PPP1R13B: variants seen among roughly 807,000 people sequenced by gnomAD.
PPP1R13B encodes protein phosphatase 1 regulatory subunit 13B, also known as apoptosis-stimulating of p53 protein 1.
A neutral mutation model predicts 119.8 loss-of-function variants in PPP1R13B; 44 were observed. The ratio of observed to expected loss-of-function variants is 0.37; its 90% confidence interval spans 0.29 to 0.47. The LOEUF is 0.47. Ranked by LOEUF, PPP1R13B falls within the 20% of genes least tolerant of loss-of-function variation. PPP1R13B has a pLI of 0.99. For missense variants in PPP1R13B, 1,227 were observed against 1,413.5 expected (o/e 0.87, Z 2.12); for synonymous variants, 542 against 561.5 (o/e 0.97, Z 0.49).
In PPP1R13B at chr14:103,795,215, G is replaced by A. The variant is rs562851758; in HGVS notation, c.157+2156C>T. Among the ~76,000 whole-genome samples, 11 of 152,164 alleles carry A rather than the reference G, an allele frequency of 7.2e-5. No homozygotes were observed. In the South Asian group the frequency reaches 1.5e-3, roughly 20 times the overall value. On this transcript the variant is annotated intron_variant, in intron 2 of 16. Transcript: ENST00000202556. ...GGCCTCCTAAAGGGCTGGGATTAGAGGCAAGAGCCACCGTGCCCGACCTGT... is the reference window on the plus strand; with the variant it reads ...GGCCTCCTAAAGGGCTGGGATTAGAAGCAAGAGCCACCGTGCCCGACCTGT...
chr14:103,821,806 T>C (rs557750648), intron 1 of PPP1R13B, among the ~76,000 whole-genome samples: 1 of 151,844 alleles, frequency 6.6e-6, no homozygotes, highest in African/African-American at 2.4e-5. Flanking sequence ...GACCACAAAA[T>C]AGATCTATAA....
chr14:103,806,734 T>C (rs2086026391), intron 1 of PPP1R13B, among the ~76,000 whole-genome samples: 1 of 152,124 alleles, frequency 6.6e-6, no homozygotes, highest in African/African-American at 2.4e-5. Flanking sequence ...GTTGCTGTCA[T>C]CCACACAGAA....
At chr14:103,745,892 G>A (rs1029468829) in intron 9 of PPP1R13B, among the ~76,000 whole-genome samples, 6 of 152,204 alleles carry the variant, frequency 3.9e-5, no homozygotes, top group East Asian at 1.9e-4. Flanking sequence ...TGCAACCTCC[G>A]CCTCCCAGGT....
chr14:103,784,872 T>C lies in PPP1R13B; in HGVS notation c.200A>G (p.Gln67Arg). Residue 67 changes from glutamine to arginine, a missense_variant, in exon 3 of 17, where the codon CAG (glutamine) becomes CGG (arginine). Coordinates refer to ENST00000202556, the MANE Select transcript of PPP1R13B (RefSeq NM_015316.3). ...PFDHMMYEHLQKWGPRREEVK... is the reference protein window; with the variant it reads ...PFDHMMYEHLRKWGPRREEVK... ...TTCTTCCCTCCGTGGACCCCATTTC[T>C]GAAGATGTTCGTACATCATATGATC... The C allele has an allele frequency of 6.2e-7, 1 of 1,608,874 alleles. No individual in the cohort carries two copies. Among genetic ancestry groups the C allele is most frequent in the Non-Finnish European group, 8.5e-7 (1 of 1,176,122 alleles).
At chr14:103,754,761 A>G (rs2084634541) in intron 5 of PPP1R13B, among the ~76,000 whole-genome samples, 1 of 151,592 alleles carries the variant, frequency 6.6e-6, no homozygotes, top group South Asian at 2.1e-4. Flanking sequence ...GATTTTTAAG[A>G]GAGAGGGTTT....
In PPP1R13B at chr14:103,738,857, GC is replaced by G. The variant is rs764768931; in HGVS notation, c.2730+28del. 26 of 1,613,116 alleles carry G rather than the reference GC, an allele frequency of 1.6e-5. No individual in the cohort carries two copies. The highest frequency in any genetic ancestry group is 2.1e-5 in the Non-Finnish European group (25 of 1,179,322). On this transcript the variant is annotated intron_variant, in intron 13 of 16. Transcript: ENST00000202556. The surrounding 1 kb of genome is among the most constrained non-coding windows in gnomAD (Gnocchi z 5.6). ...AGCGCCCATCCCCTCGCCCCCAGCAGCGTGCACTGGTCCCCGGCTGCAGCTC... is the reference window on the plus strand; with the variant it reads ...AGCGCCCATCCCCTCGCCCCCAGCAGGTGCACTGGTCCCCGGCTGCAGCTC...
intron 1 of PPP1R13B, among the ~76,000 whole-genome samples, chr14:103,822,324 G>A (rs549131374): frequency 2.0e-5 from 3 of 152,110 alleles, no homozygotes; most frequent in Non-Finnish European, 2.9e-5. Flanking sequence ...TAGTAGACAC[G>A]GGGTTTCGCC....
intron 1 of PPP1R13B, among the ~76,000 whole-genome samples, chr14:103,844,135 C>T (rs988812850): frequency 5.9e-5 from 9 of 151,776 alleles, no homozygotes; most frequent in Non-Finnish European, 8.8e-5. Flanking sequence ...TTTGCCGTGG[C>T]GTGTGTCTGT....
At chr14:103,766,711 G>A (rs573589894) in intron 4 of PPP1R13B, among the ~76,000 whole-genome samples, 10 of 152,114 alleles carry the variant, frequency 6.6e-5, no homozygotes, top group Admixed American at 2.6e-4. Flanking sequence ...GGGTTCAAGC[G>A]ATTCTCCTGC....
chr14:103,831,140 TCAC>T (rs962318255), intron 1 of PPP1R13B, among the ~76,000 whole-genome samples: 9 of 152,078 alleles, frequency 5.9e-5, no homozygotes, highest in Middle Eastern at 3.4e-3. Context: ...AGATGGGGTT[TCAC>T]CACATTAGTC....
At chr14:103,764,263 C>T (rs1241032047) in intron 4 of PPP1R13B, 1 of 164,414 alleles carries the variant, frequency 6.1e-6, no homozygotes, top group Non-Finnish European at 1.3e-5. Context: ...CACATTCTTG[C>T]TAATATTTGT....
At chr14:103,819,887 T>C (rs1203347109) in intron 1 of PPP1R13B, among the ~76,000 whole-genome samples, 5 of 152,206 alleles carry the variant, frequency 3.3e-5, no homozygotes, top group Non-Finnish European at 7.3e-5. Context: ...ACAATTATTA[T>C]CATTTTACAA....
chr14:103,746,667 T>C, intron 8 of PPP1R13B, 114 bp from the exon 9 acceptor site: 1 of 913,042 alleles, frequency 1.1e-6, no homozygotes, highest in African/African-American at 1.7e-5. Context: ...GGTTGGTTTT[T>C]AGGAAGCCTG....
chr14:103,753,248 T>C, intron 6 of PPP1R13B, 52 bp from the exon 7 acceptor site: 1 of 1,533,046 alleles, frequency 6.5e-7, no homozygotes, highest in Non-Finnish European at 8.8e-7. Context: ...ATCCTTTTTT[T>C]TTTTCATTTC....
At chr14:103,737,930 T>C in intron 14 of PPP1R13B, 70 bp from the exon 15 acceptor site, 1 of 1,496,762 alleles carries the variant, frequency 6.7e-7, no homozygotes, top group Non-Finnish European at 9.0e-7. Flanking sequence ...CCTCAGAGAT[T>C]TCCCTCTAAG....
intron 3 of PPP1R13B, among the ~76,000 whole-genome samples, chr14:103,780,331 C>A (rs1318945873): frequency 6.7e-6 from 1 of 150,278 alleles, no homozygotes; most frequent in Admixed American, 6.6e-5. Context: ...ACCAAAAATA[C>A]AAAAAATTAG....
At chr14:103,839,011 C>A (rs1444114136) in intron 1 of PPP1R13B, among the ~76,000 whole-genome samples, 1 of 151,842 alleles carries the variant, frequency 6.6e-6, no homozygotes, top group South Asian at 2.1e-4. Flanking sequence ...TTCTTTTTTT[C>A]TTTGAGACAG....
At chr14:103,830,943 ATTTTT>A (rs34201103) in intron 1 of PPP1R13B, among the ~76,000 whole-genome samples, 1 of 142,374 alleles carries the variant, frequency 7.0e-6, no homozygotes. Flanking sequence ...TACTCAAGTA[ATTTTT>A]TTTTTTTTTT....
intron 16 of PPP1R13B, among the ~76,000 whole-genome samples, chr14:103,735,620 G>A (rs2084087989): frequency 6.6e-6 from 1 of 152,182 alleles, no homozygotes; most frequent in Non-Finnish European, 1.5e-5. Context: ...CCAACACAGA[G>A]CTAGCAGCCT....
Sources: allele counts gnomAD v4.1 joint callset (sites outside exome capture counted in the v4.1 genomes callset), GRCh38; gene constraint gnomAD v4.1.1; non-coding constraint Gnocchi (gnomAD v3.1); transcripts MANE v1.5; gene names NCBI Gene and HGNC (gene_info 2026-07-23, HGNC 2026-07-21).